The following IQCK variants were observed in gnomAD, a reference collection of about 807,000 sequenced individuals.
IQCK encodes IQ domain-containing protein K.
IQCK carries 29 observed loss-of-function variants against 28.1 expected under a neutral mutation model. That is an observed-to-expected ratio of 1.03 (90% CI 0.77 to 1.41). IQCK has a LOEUF of 1.41. Among genes scored for constraint, IQCK ranks in the 40% most tolerant of loss-of-function variants. IQCK has a pLI of 0.00. For synonymous variants in IQCK, 113 were observed against 115.1 expected (o/e 0.98, Z 0.12); for missense variants, 359 against 314.7 (o/e 1.14, Z -1.07).
intron 4 of IQCK, among the ~76,000 whole-genome samples, chr16:19,749,075 T>C (rs1171411631): frequency 1.3e-5 from 2 of 152,222 alleles, no homozygotes; most frequent in African/African-American, 2.4e-5. Context: ...TTTCTCCTGC[T>C]ACATTTTAGG....
intron 6 of IQCK, among the ~76,000 whole-genome samples, chr16:19,767,344 C>CA (rs1169625489): frequency 6.6e-6 from 1 of 152,172 alleles, no homozygotes; most frequent in Non-Finnish European, 1.5e-5. Flanking sequence ...AATCAGATCA[C>CA]ACGTGGGCTT....
At chr16:19,799,455 G>T (rs2055730065) in intron 7 of IQCK, among the ~76,000 whole-genome samples, 1 of 84,038 alleles carries the variant, frequency 1.2e-5, no homozygotes, top group Admixed American at 1.2e-4. Flanking sequence ...AGTTTTAGTA[G>T]AGACAGGGTT....
At chr16:19,748,971 G>A (rs1004470279) in intron 4 of IQCK, among the ~76,000 whole-genome samples, 2 of 152,096 alleles carry the variant, frequency 1.3e-5, no homozygotes, top group Non-Finnish European at 2.9e-5. Context: ...GTCTAAAGAA[G>A]GAAGCCATTT....
At chr16:19,816,211 C>T (rs2055987047) in intron 7 of IQCK, among the ~76,000 whole-genome samples, 1 of 152,172 alleles carries the variant, frequency 6.6e-6, no homozygotes. Context: ...AGTCTAGATC[C>T]ACAATGGGTA....
downstream of IQCK, among the ~76,000 whole-genome samples, chr16:19,829,659 A>C (rs2056203827): frequency 6.6e-6 from 1 of 152,080 alleles, no homozygotes. Context: ...GGAGAACCTA[A>C]GGAGATGTGA....
chr16:19,843,324 T>C (rs958612699), intron 9 of IQCK, among the ~76,000 whole-genome samples: 2 of 152,190 alleles, frequency 1.3e-5, no homozygotes, highest in African/African-American at 4.8e-5. Context: ...CACATTTTCA[T>C]CACCCCCAGA....
At chr16:19,819,349 C>T (rs538612619) in intron 7 of IQCK, among the ~76,000 whole-genome samples, 15 of 151,960 alleles carry the variant, frequency 9.9e-5, no homozygotes, top group South Asian at 4.2e-4. Flanking sequence ...AAAAATTAGC[C>T]GGTCATGGTG....
intron 4 of IQCK, among the ~76,000 whole-genome samples, chr16:19,762,667 T>C (rs1217585205): frequency 6.6e-6 from 1 of 152,124 alleles, no homozygotes; most frequent in Non-Finnish European, 1.5e-5. Context: ...AGTAAGAATA[T>C]ACAGTTGACT....
intron 9 of IQCK, among the ~76,000 whole-genome samples, chr16:19,851,310 C>A (rs1009720306): frequency 8.5e-5 from 13 of 152,170 alleles, no homozygotes; most frequent in African/African-American, 3.1e-4. Flanking sequence ...AGGCCTCACT[C>A]CTGGAGATTC....
At chr16:19,856,350 C>G (rs6497413) in intron 9 of IQCK, 137 bp from the exon 9 acceptor site, 66,207 of 671,912 alleles carry the variant, frequency 0.099, 4,653 homozygotes, top group East Asian at 0.25. Flanking sequence ...TCCATGGGGC[C>G]GGAACCATGA....
chr16:19,846,269 G>A lies in IQCK; in HGVS notation c.803-10218G>A, dbSNP rs962074216. 7.2e-5 allele frequency among the ~76,000 whole-genome samples: 11 copies of A among 152,248 alleles called. No individual in the cohort carries two copies. In the East Asian group the frequency reaches 2.1e-3, roughly 29 times the overall value. On this transcript the variant is annotated intron_variant, in intron 9 of 9. Coordinates refer to the IQCK transcript ENST00000320394. Reference sequence around the variant, plus strand: ...GTAAATGGTGGTAGGATTCAAAGCCGGAGCTGCCTTCTCCCAAGTGGTGTG... The same window carrying A: ...GTAAATGGTGGTAGGATTCAAAGCCAGAGCTGCCTTCTCCCAAGTGGTGTG...
intron 6 of IQCK, among the ~76,000 whole-genome samples, chr16:19,775,866 CTTTTTTTTTTTTTTTTTTTT>C (rs570530152): frequency 5.3e-5 from 2 of 37,698 alleles, no homozygotes; most frequent in African/African-American, 1.1e-4. Flanking sequence ...TGGGCACAGG[CTTTTTTTTTTTTTTTTTTTT>C]TTTTTTTTTT....
chr16:19,782,366 A>G (rs2055498569), intron 6 of IQCK, among the ~76,000 whole-genome samples: 1 of 152,120 alleles, frequency 6.6e-6, no homozygotes, highest in African/African-American at 2.4e-5. Context: ...AGCCTGGGCA[A>G]CAGAGTGAGA....
chr16:19,732,913 G>C (rs577539150), intron 2 of IQCK, among the ~76,000 whole-genome samples: 2 of 152,180 alleles, frequency 1.3e-5, no homozygotes, highest in Non-Finnish European at 2.9e-5. Context: ...TTATGATATC[G>C]AAGGACCAGA....
chr16:19,735,258 A>G (rs1977974812), intron 3 of IQCK, 95 bp from the exon 4 acceptor site: 1 of 817,200 alleles, frequency 1.2e-6, no homozygotes, highest in South Asian at 1.4e-5. Flanking sequence ...GATTGAATGG[A>G]CAGTACCTTT....
chr16:19,743,303 T>C (rs2054863045), intron 4 of IQCK, among the ~76,000 whole-genome samples: 1 of 152,242 alleles, frequency 6.6e-6, no homozygotes, highest in Non-Finnish European at 1.5e-5. Flanking sequence ...ATTTATTAAC[T>C]ATACCTGCAG....
At chr16:19,772,559 A>G (rs2151719043) in intron 6 of IQCK, among the ~76,000 whole-genome samples, 1 of 152,264 alleles carries the variant, frequency 6.6e-6, no homozygotes, top group Middle Eastern at 3.4e-3. Flanking sequence ...ATGAAATTAC[A>G]TATTCTATGG....
chr16:19,820,976 A>G (rs1567570363), intron 7 of IQCK, among the ~76,000 whole-genome samples: 1 of 152,342 alleles, frequency 6.6e-6, no homozygotes, highest in East Asian at 1.9e-4. Flanking sequence ...GCTCGATGTC[A>G]TTAAACATTA....
chr16:19,834,683 GA>G (rs1469755327), intron 9 of IQCK, among the ~76,000 whole-genome samples: 2 of 152,194 alleles, frequency 1.3e-5, no homozygotes, highest in African/African-American at 4.8e-5. Context: ...ACTAAAGCAA[GA>G]AACCAGGGTT....
Sources: allele counts gnomAD v4.1 joint callset (sites outside exome capture counted in the v4.1 genomes callset), GRCh38; gene constraint gnomAD v4.1.1; transcripts MANE v1.5; gene names NCBI Gene and HGNC (gene_info 2026-07-23, HGNC 2026-07-21).